The following NCEH1 variants were observed in gnomAD, a reference collection of about 807,000 sequenced individuals.
NCEH1 encodes the protein neutral cholesterol ester hydrolase 1, also known as 2-acetyl MAGE hydrolase.
A neutral mutation model predicts 25.4 loss-of-function variants in NCEH1; 9 were observed. That is an observed-to-expected ratio of 0.35 (90% confidence interval 0.21 to 0.62). NCEH1 has a LOEUF of 0.62. Ranked by LOEUF, NCEH1 falls within the 20% of genes least tolerant of loss-of-function variation. The pLI is 0.72. For synonymous variants in NCEH1, 200 were observed against 199.8 expected, an observed-to-expected ratio of 1.00 and a Z score of -0.01; for missense variants, 412 against 501.1, an observed-to-expected ratio of 0.82 and a Z score of 1.70.
At position 172,665,923 on chromosome 3, in the gene NCEH1, G is replaced by A. The variant is rs185110798; in HGVS notation, c.139-17809C>T. Among the ~76,000 whole-genome samples the A allele has an allele frequency of 8.4e-4, 128 of 152,248 alleles. 1 individual carries two copies. The highest frequency in any genetic ancestry group is 6.8e-3 in the Middle Eastern group (2 of 294). The stretch of plus-strand genomic sequence containing the variant: ...CCTTGGCTAGGAAAGGGAATTCCCC[G>A]ACCCCTTGTGCTTCCCGGGTGAGGC... On this transcript the variant is annotated intron_variant, in intron 1 of 4. Transcript: ENST00000475381.
At chr3:172,664,208 T>C in intron 1 of NCEH1, among the ~76,000 whole-genome samples, 1 of 152,224 alleles carries the variant, frequency 6.6e-6, no homozygotes, top group Non-Finnish European at 1.5e-5. Flanking sequence ...TTATTTCTCC[T>C]TCACTTATGA....
At chr3:172,640,722 T>A (rs918191348) in intron 3 of NCEH1, among the ~76,000 whole-genome samples, 2 of 152,198 alleles carry the variant, frequency 1.3e-5, no homozygotes, top group African/African-American at 2.4e-5. Context: ...TTAGCCAGGA[T>A]GGTCTCGATC....
At chr3:172,642,185 T>C (rs1353359140) in intron 3 of NCEH1, among the ~76,000 whole-genome samples, 7 of 152,034 alleles carry the variant, frequency 4.6e-5, no homozygotes, top group Admixed American at 2.0e-4. Flanking sequence ...TTGTTTTGTT[T>C]TGTTTTGAGA....
chr3:172,696,710 A>T (rs1434125614), intron 1 of NCEH1, among the ~76,000 whole-genome samples: 2 of 152,170 alleles, frequency 1.3e-5, no homozygotes, highest in African/African-American at 2.4e-5. Context: ...AATGTTCCCC[A>T]ATGTTTGGTA....
At chr3:172,680,465 G>A (rs937430156) in intron 1 of NCEH1, among the ~76,000 whole-genome samples, 1 of 152,106 alleles carries the variant, frequency 6.6e-6, no homozygotes, top group African/African-American at 2.4e-5. Context: ...TGGAAGGTTT[G>A]GTTTGTGTGC....
At chr3:172,653,744 G>GT (rs796835886) in intron 1 of NCEH1, among the ~76,000 whole-genome samples, 1,133 of 95,466 alleles carry the variant, frequency 0.012, 38 homozygotes, top group African/African-American at 0.043. Context: ...TGTTTTTTTT[G>GT]TTTTTTTGTT....
chr3:172,693,784 T>G (rs1369990312), intron 1 of NCEH1, among the ~76,000 whole-genome samples: 1 of 152,250 alleles, frequency 6.6e-6, no homozygotes, highest in Non-Finnish European at 1.5e-5. Flanking sequence ...ACGTTATTGG[T>G]TTTGGTCAGT....
At chr3:172,650,713 G>A (rs1717356725) in intron 1 of NCEH1, among the ~76,000 whole-genome samples, 2 of 149,248 alleles carry the variant, frequency 1.3e-5, no homozygotes, top group African/African-American at 4.9e-5. Context: ...TCAGGAGGCT[G>A]AGGTAAGCGA....
intron 1 of NCEH1, among the ~76,000 whole-genome samples, chr3:172,662,144 C>A (rs532459759): frequency 6.6e-6 from 1 of 152,084 alleles, no homozygotes; most frequent in East Asian, 1.9e-4. Context: ...TTATGTCCCA[C>A]CAATACCTAG....
rs528677378 is a variant in NCEH1 at position 172,643,108 on chromosome 3, T to C, written c.437+2515A>G. Reference sequence around the variant, plus strand: ...CATGCACCACCATGCCAGGCTAATTTTGTATTTTTAGTAGAGATGGGGTTT... The same window carrying C: ...CATGCACCACCATGCCAGGCTAATTCTGTATTTTTAGTAGAGATGGGGTTT... On this transcript the variant is annotated intron_variant, in intron 3 of 4. Coordinates refer to ENST00000475381, the MANE Select transcript of NCEH1 (RefSeq NM_020792.6). 4.6e-5 allele frequency among the ~76,000 whole-genome samples: 7 copies of C among 152,160 alleles called. No individual in the cohort carries two copies. In the South Asian group the frequency reaches 1.5e-3, roughly 32 times the overall value.
intron 1 of NCEH1, among the ~76,000 whole-genome samples, chr3:172,663,030 T>G (rs1311284446): frequency 5.3e-5 from 8 of 152,224 alleles, no homozygotes; most frequent in Non-Finnish European, 1.2e-4. Flanking sequence ...CTCTTGCTTC[T>G]CTAGTTCTTT....
At chr3:172,709,549 A>G (rs1445101398) in intron 1 of NCEH1, among the ~76,000 whole-genome samples, 1 of 152,212 alleles carries the variant, frequency 6.6e-6, no homozygotes, top group Non-Finnish European at 1.5e-5. Context: ...CTATAGCTTC[A>G]TAGACCTTTC....
At chr3:172,659,536 T>C (rs900848898) in intron 1 of NCEH1, among the ~76,000 whole-genome samples, 7 of 151,840 alleles carry the variant, frequency 4.6e-5, no homozygotes, top group Non-Finnish European at 8.8e-5. Flanking sequence ...TTGGTGTCTG[T>C]GAGTGGCCCG....
chr3:172,685,705 T>C (rs546196598), intron 1 of NCEH1, among the ~76,000 whole-genome samples: 144 of 152,346 alleles, frequency 9.5e-4, no homozygotes, highest in Non-Finnish European at 1.4e-3. Flanking sequence ...TATTTTGTTT[T>C]GATTTTTCTC....
At chr3:172,651,510 C>T (rs1717403094) in intron 1 of NCEH1, among the ~76,000 whole-genome samples, 1 of 151,846 alleles carries the variant, frequency 6.6e-6, no homozygotes, top group Admixed American at 6.6e-5. Flanking sequence ...AGCAAAGAAA[C>T]GGGAGTTCCT....
At chr3:172,660,696 T>C (rs1021161452) in intron 1 of NCEH1, among the ~76,000 whole-genome samples, 2 of 152,224 alleles carry the variant, frequency 1.3e-5, no homozygotes, top group Non-Finnish European at 2.9e-5. Flanking sequence ...TATCTCATTG[T>C]GGTTTTGATT....
chr3:172,643,629 A>T (rs1577054942), intron 3 of NCEH1, among the ~76,000 whole-genome samples: 1 of 152,234 alleles, frequency 6.6e-6, no homozygotes, highest in Non-Finnish European at 1.5e-5. Flanking sequence ...AAGCCTTGCA[A>T]TACCCATTTT....
chr3:172,664,272 A>T (rs1378817453), intron 1 of NCEH1, among the ~76,000 whole-genome samples: 1 of 152,228 alleles, frequency 6.6e-6, no homozygotes, highest in African/African-American at 2.4e-5. Context: ...TTCTTTAAGA[A>T]TGTTGAATAT....
At chr3:172,655,116 A>G (rs1292083216) in intron 1 of NCEH1, among the ~76,000 whole-genome samples, 1 of 152,224 alleles carries the variant, frequency 6.6e-6, no homozygotes, top group East Asian at 1.9e-4. Flanking sequence ...GTAACCTGAA[A>G]GTAACAAAGT....
Sources: allele counts gnomAD v4.1 joint callset (sites outside exome capture counted in the v4.1 genomes callset), GRCh38; gene constraint gnomAD v4.1.1; transcripts MANE v1.5; gene names NCBI Gene and HGNC (gene_info 2026-07-23, HGNC 2026-07-21).